CMSS1: variants seen among roughly 807,000 people sequenced by gnomAD.
CMSS1 encodes protein CMSS1.
A neutral mutation model predicts 43.5 loss-of-function variants in CMSS1; 33 were observed. The observed-to-expected ratio is 0.76, with a 90% CI of 0.57 to 1.01. The LOEUF (loss-of-function observed/expected upper bound fraction) is 1.01, where lower values mean the gene tolerates loss of function less well. CMSS1 is among the 50% of genes least tolerant of loss of function. CMSS1 has a pLI of 0.00. For missense variants in CMSS1, 313 were observed against 326.4 expected (o/e 0.96, Z 0.32); for synonymous variants, 115 against 117.2 (o/e 0.98, Z 0.12).
At chr3:99,978,411 A>G (rs1414742095) in intron 1 of CMSS1, among the ~76,000 whole-genome samples, 1 of 152,254 alleles carries the variant, frequency 6.6e-6, no homozygotes, top group Non-Finnish European at 1.5e-5. Flanking sequence ...TGAATGGATA[A>G]AGAAAATGTG....
intron 1 of CMSS1, among the ~76,000 whole-genome samples, chr3:100,104,790 G>A (rs1057409847): frequency 3.9e-5 from 6 of 152,140 alleles, no homozygotes; most frequent in African/African-American, 1.4e-4. Flanking sequence ...GATGAAAAGA[G>A]TCACCCCTGT....
intron 1 of CMSS1, among the ~76,000 whole-genome samples, chr3:99,852,314 G>C (rs957087107): frequency 3.3e-5 from 5 of 152,188 alleles, no homozygotes; most frequent in African/African-American, 1.2e-4. Context: ...GATAGGTATA[G>C]AGAATTCATA....
intron 1 of CMSS1, among the ~76,000 whole-genome samples, chr3:100,121,466 A>C (rs1216407239): frequency 1.3e-5 from 2 of 152,112 alleles, no homozygotes; most frequent in Admixed American, 1.3e-4. Context: ...TATATTTGCC[A>C]CATTTTCTTA....
chr3:100,019,596 A>G (rs1471629111), intron 1 of CMSS1, among the ~76,000 whole-genome samples: 1 of 152,178 alleles, frequency 6.6e-6, no homozygotes, highest in African/African-American at 2.4e-5. Context: ...ACAGTAGTAG[A>G]TACTTTTTTC....
At chr3:100,003,412 A>G (rs146618278) in intron 1 of CMSS1, among the ~76,000 whole-genome samples, 35 of 152,288 alleles carry the variant, frequency 2.3e-4, no homozygotes, top group African/African-American at 7.5e-4. Context: ...AGTTTAACCA[A>G]TGCACCTAGA....
chr3:99,987,316 G>A (rs907569068), intron 1 of CMSS1, among the ~76,000 whole-genome samples: 4 of 151,768 alleles, frequency 2.6e-5, no homozygotes, highest in Admixed American at 2.6e-4. Flanking sequence ...ATCATTTGAG[G>A]TCAGGAGTTC....
intron 1 of CMSS1, among the ~76,000 whole-genome samples, chr3:99,921,398 C>T (rs1307379013): frequency 1.3e-5 from 2 of 152,050 alleles, no homozygotes; most frequent in African/African-American, 4.8e-5. Context: ...CCTCATGAGG[C>T]CTGCAGTCTC....
intron 1 of CMSS1, among the ~76,000 whole-genome samples, chr3:100,021,747 C>T (rs1015302514): frequency 2.0e-5 from 3 of 152,170 alleles, no homozygotes; most frequent in South Asian, 2.1e-4. Context: ...CCTCCCCTTC[C>T]TCAGCCTACC....
At chr3:99,869,927 A>AT (rs1457209371) in intron 1 of CMSS1, among the ~76,000 whole-genome samples, 1 of 152,164 alleles carries the variant, frequency 6.6e-6, no homozygotes, top group East Asian at 1.9e-4. Context: ...GCTGCTTTAG[A>AT]TACAGTGATT....
chr3:99,879,298 T>C (rs1215928615), intron 1 of CMSS1, among the ~76,000 whole-genome samples: 1 of 152,234 alleles, frequency 6.6e-6, no homozygotes, highest in Non-Finnish European at 1.5e-5. Context: ...TATTATATTA[T>C]GTCAAAGACA....
At chr3:100,094,314 A>G (rs1351930008) in intron 1 of CMSS1, among the ~76,000 whole-genome samples, 1 of 152,062 alleles carries the variant, frequency 6.6e-6, no homozygotes, top group Non-Finnish European at 1.5e-5. Context: ...AGAGTTCCTT[A>G]TATTTTTTAA....
chr3:99,877,015 T>C (rs1360911607), intron 1 of CMSS1, among the ~76,000 whole-genome samples: 1 of 152,162 alleles, frequency 6.6e-6, no homozygotes, highest in African/African-American at 2.4e-5. Context: ...AAAAAGAAAT[T>C]AGCCAAATGT....
intron 1 of CMSS1, among the ~76,000 whole-genome samples, chr3:100,067,653 A>G (rs1403672226): frequency 6.6e-6 from 1 of 152,230 alleles, no homozygotes; most frequent in Non-Finnish European, 1.5e-5. Flanking sequence ...AGATGATTCA[A>G]TTTTCAGTAG....
chr3:99,909,430 T>A lies in CMSS1; in HGVS notation c.64+91387T>A, dbSNP rs544662976. Among the ~76,000 whole-genome samples, 21 of 151,906 alleles carry A rather than the reference T, an allele frequency of 1.4e-4. No individual in the cohort carries two copies. The South Asian group carries it at 4.2e-3, about 30-fold the overall frequency. On this transcript the variant is annotated intron_variant, in intron 1 of 9. Coordinates refer to ENST00000421999, the MANE Select transcript of CMSS1 (RefSeq NM_032359.4). ...GAGGGGGTCTGGGGTGTGGGTGGAG[T>A]CATGGTATCAAAAGGAGTTAGAGCC...
chr3:100,091,612 G>A (rs1203494556), intron 1 of CMSS1, among the ~76,000 whole-genome samples: 2 of 152,184 alleles, frequency 1.3e-5, no homozygotes, highest in East Asian at 1.9e-4. Flanking sequence ...CATTACAAAA[G>A]TATAACTAGC....
At chr3:100,159,189 T>A (rs927481939) in intron 2 of CMSS1, among the ~76,000 whole-genome samples, 5 of 152,262 alleles carry the variant, frequency 3.3e-5, no homozygotes, top group African/African-American at 1.2e-4. Flanking sequence ...CATATCTCTC[T>A]TTTCTTTAGC....
intron 1 of CMSS1, among the ~76,000 whole-genome samples, chr3:100,093,240 A>G (rs933056048): frequency 5.3e-5 from 8 of 152,126 alleles, no homozygotes; most frequent in African/African-American, 1.9e-4. Context: ...GTCATTAGAT[A>G]TTAGTTCTGT....
intron 1 of CMSS1, chr3:99,929,920 C>A (rs765932581): frequency 1.2e-6 from 2 of 1,613,844 alleles, no homozygotes; most frequent in East Asian, 4.5e-5. Context: ...AAAAGCATCT[C>A]TCTGGAGAGC....
intron 1 of CMSS1, among the ~76,000 whole-genome samples, chr3:100,124,613 G>A (rs1291784148): frequency 2.0e-5 from 3 of 152,024 alleles, no homozygotes; most frequent in South Asian, 2.1e-4. Context: ...CCCTGTCCTC[G>A]CAGTCCTCAC....
Sources: gnomAD v4.1 joint callset for allele counts (sites outside exome capture counted in the v4.1 genomes callset) on GRCh38, gnomAD v4.1.1 for gene constraint, MANE v1.5 for transcripts, NCBI Gene and HGNC (gene_info 2026-07-23, HGNC 2026-07-21) for gene names.